Variants in ZAP70 observed in about 807,000 individuals in gnomAD.
The protein encoded by ZAP70 is zeta chain of T cell receptor associated protein kinase 70, also known as tyrosine-protein kinase ZAP-70.
Under a neutral mutation model 65.8 loss-of-function variants are expected in ZAP70, and 27 were observed. The ratio of observed to expected loss-of-function variants is 0.41; its 90% CI spans 0.30 to 0.57. The LOEUF is 0.57. ZAP70 is among the 20% of genes least tolerant of loss of function. The pLI, the probability that ZAP70 is intolerant of heterozygous loss-of-function variation, is 0.28. For synonymous variants in ZAP70, 363 were observed against 360.8 expected (o/e 1.01, Z -0.07); for missense variants, 696 against 870.5 (o/e 0.80, Z 2.52).
At chr2:97,755,922 G>T in the ZAP70 span, among the ~76,000 whole-genome samples, 102 of 152,342 alleles carry the variant, frequency 6.7e-4, no homozygotes, top group African/African-American at 2.3e-3. Context: ...ATGTGAATCT[G>T]CGGTCAGCCT....
the ZAP70 span, among the ~76,000 whole-genome samples, chr2:97,747,091 C>G: frequency 6.6e-6 from 1 of 152,152 alleles, no homozygotes; most frequent in East Asian, 1.9e-4. Flanking sequence ...GAAGTCAGAT[C>G]ACTCGTGCAT....
rs926202715 is a variant in ZAP70, at chr2:97,736,307, C to T, written c.1289+851C>T. 6.6e-6 allele frequency among the ~76,000 whole-genome samples: 1 copy of T among 152,146 alleles called. No homozygotes were observed. The highest frequency in any genetic ancestry group is 2.4e-5 in the African/African-American group (1 of 41,426). On this transcript the variant is annotated intron_variant, in intron 10 of 13. Transcript: ENST00000264972. This position sits in a 1 kb window ranked among gnomAD's most constrained non-coding sequence, Gnocchi z 4.0. ...AGTTTCATTTGTGGTTCCTCATCCC[C>T]AAACTCTTACCCTCACAGACACAAG...
chr2:97,755,848 T>C, the ZAP70 span, among the ~76,000 whole-genome samples: 1 of 152,164 alleles, frequency 6.6e-6, no homozygotes, highest in Non-Finnish European at 1.5e-5. Context: ...CAGTGGTGAG[T>C]TGGACACAGA....
In ZAP70 at chr2:97,731,490, G is replaced by A. The variant is rs920242921; in HGVS notation, c.564-1393G>A. Among the ~76,000 whole-genome samples the A allele has an allele frequency of 1.3e-5, 2 of 151,964 alleles. No individual in the cohort carries two copies. Among genetic ancestry groups the A allele is most frequent in the African/African-American group, 4.8e-5 (2 of 41,346 alleles). On this transcript the variant is annotated intron_variant, in intron 4 of 13. Coordinates refer to ENST00000264972, the MANE Select transcript of ZAP70 (RefSeq NM_001079.4). This position sits in a 1 kb window ranked among gnomAD's most constrained non-coding sequence, Gnocchi z 4.0. ...CCTTTTGTGTGCCCTCATTGCCCCC[G>A]CCCTGATTTCCCATCTCTCCATGTT...
intron 2 of ZAP70, among the ~76,000 whole-genome samples, chr2:97,718,921 A>G (rs1035040218): frequency 3.9e-5 from 6 of 152,036 alleles, no homozygotes; most frequent in Non-Finnish European, 7.4e-5. Flanking sequence ...GCTGGGTTGG[A>G]GAAGATGGAG....
At chr2:97,750,368 A>AT in the ZAP70 span, among the ~76,000 whole-genome samples, 2 of 152,122 alleles carry the variant, frequency 1.3e-5, no homozygotes, top group African/African-American at 4.8e-5. Context: ...TTATTAGCTT[A>AT]TTTGGGGGGT....
At chr2:97,719,568 G>C (rs1250455160) in intron 2 of ZAP70, among the ~76,000 whole-genome samples, 1 of 151,612 alleles carries the variant, frequency 6.6e-6, no homozygotes, top group African/African-American at 2.4e-5. Flanking sequence ...GGGGGGCGCA[G>C]ACCAGGTCTG....
At chr2:97,751,313 A>G in the ZAP70 span, among the ~76,000 whole-genome samples, 12 of 152,340 alleles carry the variant, frequency 7.9e-5, no homozygotes, top group African/African-American at 2.9e-4. Context: ...TATACTGTAT[A>G]GTTCATATTT....
At chr2:97,718,444 T>A (rs755677661) in intron 2 of ZAP70, among the ~76,000 whole-genome samples, 3 of 152,130 alleles carry the variant, frequency 2.0e-5, no homozygotes, top group Non-Finnish European at 4.4e-5. Flanking sequence ...CCTGGGAACT[T>A]GGGCCCCATG....
rs2104709732 is a variant in ZAP70 at position 97,739,478 on chromosome 2, G to C, written c.1840G>C (p.Ala614Pro). ...VEGPPGSTQK[A>P]EAACA The stretch of plus-strand genomic sequence containing the variant: ...AGGGCCCCCAGGCAGCACACAGAAG[G>C]CTGAGGCTGCCTGTGCCTGAGCTCC... The change falls in exon 14 of 14, where the codon GCT becomes CCT. Residue 614 changes from alanine (A) to proline (P), a missense_variant. Physicochemically the swap from Ala to Pro is conservative, Grantham distance 27. Around this residue, in one of 3 missense-constraint regions of ZAP70, gnomAD observed 78 missense variants for 88.6 expected, o/e 0.88. Coordinates refer to ENST00000264972, the MANE Select transcript of ZAP70 (RefSeq NM_001079.4). The C allele has an allele frequency of 1.9e-6, 3 of 1,613,150 alleles. No individual in the cohort carries two copies. The highest frequency in any genetic ancestry group is 2.5e-6 in the Non-Finnish European group (3 of 1,179,778).
At chr2:97,724,676 G>T in intron 3 of ZAP70, 1 of 1,526,340 alleles carries the variant, frequency 6.6e-7, no homozygotes, top group Non-Finnish European at 8.8e-7. Context: ...TACTATGCCA[G>T]ATGGGAAGGT....
chr2:97,744,826 A>G (rs973577232), downstream of ZAP70, among the ~76,000 whole-genome samples: 8 of 152,330 alleles, frequency 5.3e-5, no homozygotes, highest in African/African-American at 1.7e-4. Flanking sequence ...TATCTCACAC[A>G]TATAAAAAAA....
chr2:97,738,040 C>T lies in ZAP70; in HGVS notation c.1669C>T (p.Arg557Trp), dbSNP rs200513049. The change falls in exon 13 of 14, where the codon CGG (arginine) becomes TGG (tryptophan). Residue 557 changes from arginine to tryptophan, a missense_variant. Physicochemically the swap from Arg to Trp is moderately radical, Grantham distance 101 (BLOSUM62 -3). Transcript: ENST00000264972. ...EVMAFIEQGK[R>W]MECPPECPPE... ...CATGGCCTTCATCGAGCAGGGCAAG[C>T]GGATGGAGTGCCCACCAGAGTGTCC... The T allele has an allele frequency of 1.1e-5, 18 of 1,612,852 alleles. No individual in the cohort carries two copies. Among genetic ancestry groups the T allele is most frequent in the Non-Finnish European group, 1.4e-5 (16 of 1,179,400 alleles).
At chr2:97,723,023 C>T (rs1294820414) in intron 2 of ZAP70, among the ~76,000 whole-genome samples, 1 of 152,196 alleles carries the variant, frequency 6.6e-6, no homozygotes, top group African/African-American at 2.4e-5. Flanking sequence ...TTGCATAACC[C>T]AAGCCCTGTG....
chr2:97,727,589 C>T (rs1303493972), intron 4 of ZAP70, among the ~76,000 whole-genome samples: 1 of 152,230 alleles, frequency 6.6e-6, no homozygotes, highest in African/African-American at 2.4e-5. Flanking sequence ...AGTCCAGGGG[C>T]TCTCCCCAGG....
the ZAP70 span, among the ~76,000 whole-genome samples, chr2:97,746,254 T>C: frequency 6.6e-6 from 1 of 152,216 alleles, no homozygotes; most frequent in African/African-American, 2.4e-5. Context: ...GGGGTGATGG[T>C]TGCACAACAC....
chr2:97,719,255 G>A (rs952366802), intron 2 of ZAP70, among the ~76,000 whole-genome samples: 27 of 151,362 alleles, frequency 1.8e-4, no homozygotes, highest in Non-Finnish European at 2.5e-4. Context: ...AGCACCAACC[G>A]ACCTCAGTCG....
chr2:97,752,999 T>C, the ZAP70 span, among the ~76,000 whole-genome samples: 1 of 152,204 alleles, frequency 6.6e-6, no homozygotes, highest in African/African-American at 2.4e-5. Context: ...GTTAATAATT[T>C]GGTGACAAAA....
intron 9 of ZAP70, 136 bp downstream of exon 9, chr2:97,734,848 T>C: frequency 1.6e-6 from 2 of 1,224,968 alleles, no homozygotes; most frequent in Non-Finnish European, 2.3e-6. Flanking sequence ...GGCAGGACGT[T>C]GCACGCTGGA....
Sources: gnomAD v4.1 joint callset for allele counts (sites outside exome capture counted in the v4.1 genomes callset) on GRCh38, gnomAD v4.1.1 for gene constraint, gnomAD v4.1.1 regional missense constraint, Gnocchi (gnomAD v3.1) non-coding constraint, MANE v1.5 for transcripts, NCBI Gene and HGNC (gene_info 2026-07-23, HGNC 2026-07-21) for gene names.